MTNAP1: variants seen among roughly 807,000 people sequenced by gnomAD.
MTNAP1 encodes the protein mitochondrial nucleoid associated protein 1.
At chr17:73,234,086 ATAATATT>A in the MTNAP1 span, among the ~76,000 whole-genome samples, 575 of 152,294 alleles carry the variant, frequency 3.8e-3, 21 homozygotes, top group Non-Finnish European at 7.4e-4. Context: ...GTAGTACTGA[ATAATATT>A]TAAACGTTTA....
At chr17:73,244,662 A>C in the MTNAP1 span, 2 of 152,150 alleles carry the variant, frequency 1.3e-5, no homozygotes, top group Non-Finnish European at 2.9e-5. Context: ...CAAGATAACG[A>C]TGAATTCTGA....
the MTNAP1 span, chr17:73,232,944 GAACAGCTGGCAGA>G: frequency 1.1e-4 from 4 of 36,214 alleles, no homozygotes; most frequent in African/African-American, 3.7e-4. Flanking sequence ...CGCAGAATCA[GAACAGCTGGCAGA>G]ATCAGAACAG....
At chr17:73,236,345 G>A in the MTNAP1 span, 16 of 1,613,950 alleles carry the variant, frequency 9.9e-6, no homozygotes, top group Non-Finnish European at 1.1e-5. Context: ...AGCTCATTAG[G>A]TAAAATCCAA....
the MTNAP1 span, among the ~76,000 whole-genome samples, chr17:73,241,702 G>A: frequency 6.6e-6 from 1 of 152,154 alleles, no homozygotes; most frequent in South Asian, 2.1e-4. Context: ...GGCTGGGGCG[G>A]GCAGAACACA....
At chr17:73,248,479 G>T in the MTNAP1 span, 1 of 1,551,472 alleles carries the variant, frequency 6.4e-7, no homozygotes, top group Non-Finnish European at 8.7e-7. Flanking sequence ...TGCCCCGCTA[G>T]GTAAGAAGCA....
chr17:73,243,038 G>A, the MTNAP1 span: 1 of 1,505,852 alleles, frequency 6.6e-7, no homozygotes, highest in Middle Eastern at 1.7e-4. Context: ...TAAATAACAG[G>A]TCCCATTCCG....
the MTNAP1 span, chr17:73,235,554 C>T: frequency 9.9e-6 from 16 of 1,613,972 alleles, no homozygotes; most frequent in Non-Finnish European, 1.3e-5. Flanking sequence ...TAAAATCCCA[C>T]TTGCCATACT....
At chr17:73,242,196 G>T in the MTNAP1 span, 7 of 1,265,316 alleles carry the variant, frequency 5.5e-6, no homozygotes, top group South Asian at 1.3e-5. Context: ...TTAGGGAAGG[G>T]GGTACGTTTC....
chr17:73,236,474 G>C, the MTNAP1 span: 1 of 1,614,208 alleles, frequency 6.2e-7, no homozygotes. Flanking sequence ...ATGAGCCATG[G>C]CTGTGAGAAC....
the MTNAP1 span, chr17:73,247,118 G>A: frequency 3.7e-6 from 3 of 802,544 alleles, no homozygotes; most frequent in Non-Finnish European, 2.0e-6. Context: ...ACAAAAACAA[G>A]CCCTGCTCAT....
At chr17:73,248,586 A>G in the MTNAP1 span, 3 of 1,532,994 alleles carry the variant, frequency 2.0e-6, no homozygotes, top group Admixed American at 2.0e-5. Flanking sequence ...CGTAATCCAT[A>G]TTCACCTTCC....
At chr17:73,243,147 TGG>T in the MTNAP1 span, 1 of 714,450 alleles carries the variant, frequency 1.4e-6, no homozygotes, top group South Asian at 1.5e-5. Flanking sequence ...AGCTATTGCC[TGG>T]GGTTTCTGGG....
the MTNAP1 span, chr17:73,243,095 T>TTTGTTTTTTTTTTTG: frequency 1.1e-6 from 1 of 936,786 alleles, no homozygotes; most frequent in African/African-American, 1.8e-5. Context: ...TTTTTTTTTT[T>TTTGTTTTTTTTTTTG]TTTTTTACAG....
At chr17:73,243,563 TTC>T in the MTNAP1 span, among the ~76,000 whole-genome samples, 110 of 151,318 alleles carry the variant, frequency 7.3e-4, 1 homozygote, top group African/African-American at 2.6e-3. Context: ...TTTTTTTTTT[TTC>T]CCACCCAGGC....
At chr17:73,246,127 C>T in the MTNAP1 span, among the ~76,000 whole-genome samples, 19 of 152,174 alleles carry the variant, frequency 1.2e-4, no homozygotes, top group African/African-American at 4.3e-4. Flanking sequence ...TCCTTTCTAA[C>T]GTAGAGGGTT....
the MTNAP1 span, chr17:73,248,316 T>G: frequency 1.6e-6 from 1 of 613,218 alleles, no homozygotes; most frequent in Non-Finnish European, 2.9e-6. Flanking sequence ...TGAGGCGGGG[T>G]AACTACTCAT....
the MTNAP1 span, chr17:73,236,949 C>T: frequency 6.2e-7 from 1 of 1,606,198 alleles, no homozygotes; most frequent in South Asian, 1.1e-5. Context: ...ATGCAATGAC[C>T]CAGAAGCCAC....
At chr17:73,236,909 G>A in the MTNAP1 span, 1 of 1,613,902 alleles carries the variant, frequency 6.2e-7, no homozygotes, top group Non-Finnish European at 8.5e-7. Context: ...CTTGGACTAG[G>A]GGTGTTGCCA....
At chr17:73,242,350 A>C in the MTNAP1 span, 8 of 1,564,250 alleles carry the variant, frequency 5.1e-6, no homozygotes, top group Non-Finnish European at 6.9e-6. Context: ...CTGTACAAAA[A>C]GGTGAGGCTG....
Sources: gnomAD v4.1 joint callset for allele counts (sites outside exome capture counted in the v4.1 genomes callset) on GRCh38, gnomAD v4.1.1 for gene constraint, MANE v1.5 for transcripts, NCBI Gene and HGNC (gene_info 2026-07-23, HGNC 2026-07-21) for gene names.